ARID2: variants seen among roughly 807,000 people sequenced by gnomAD.
ARID2 encodes AT-rich interactive domain-containing protein 2.
A neutral mutation model predicts 184.6 loss-of-function variants in ARID2; 32 were observed. That is an observed-to-expected ratio of 0.17 (90% CI 0.13 to 0.23). ARID2 has a LOEUF of 0.23. Ranked by LOEUF, ARID2 falls within the 10% of genes least tolerant of loss-of-function variation. The pLI, the probability that ARID2 is intolerant of heterozygous loss-of-function variation, is 1.00. For missense variants in ARID2, 1,696 were observed against 2,197.6 expected (o/e 0.77, Z 4.56); for synonymous variants, 836 against 772.6 (o/e 1.08, Z -1.36).
At chr12:45,806,793 G>A (rs1942611679) in intron 3 of ARID2, among the ~76,000 whole-genome samples, 1 of 151,852 alleles carries the variant, frequency 6.6e-6, no homozygotes, top group Non-Finnish European at 1.5e-5. Context: ...CCTGTCACCG[G>A]ATGACACCAG....
At chr12:45,844,244 C>T (rs1258419381) in intron 11 of ARID2, among the ~76,000 whole-genome samples, 2 of 152,094 alleles carry the variant, frequency 1.3e-5, no homozygotes, top group Non-Finnish European at 2.9e-5. Flanking sequence ...GTCTCAAACT[C>T]CTGGGATCAA....
chr12:45,827,922 AT>A (rs2138109336), intron 6 of ARID2, among the ~76,000 whole-genome samples: 1 of 152,240 alleles, frequency 6.6e-6, no homozygotes, highest in African/African-American at 2.4e-5. Flanking sequence ...GACAAAAGAT[AT>A]GTTAATCGTA....
intron 20 of ARID2, among the ~76,000 whole-genome samples, chr12:45,896,910 T>C (rs1300986973): frequency 6.6e-6 from 1 of 152,114 alleles, no homozygotes; most frequent in Non-Finnish European, 1.5e-5. Context: ...ATAAATACAG[T>C]GATAATCTTA....
rs369256266 is a variant in ARID2 at position 45,826,327 on chromosome 12, G to A, written c.705+4840G>A. Among the ~76,000 whole-genome samples, 347 of 151,986 alleles carry A rather than the reference G, an allele frequency of 2.3e-3. 13 individuals are homozygous for A. In the South Asian group the frequency reaches 0.068, roughly 30 times the overall value. On this transcript the variant is annotated intron_variant, in intron 6 of 20. Coordinates refer to ENST00000334344, the MANE Select transcript of ARID2 (RefSeq NM_152641.4). ...ATGTATACATGAATTTTATTTTAAC[G>A]AGCTGGTAATATTTGAATTAATAGT...
At chr12:45,808,723 G>A (rs1051386008) in intron 3 of ARID2, among the ~76,000 whole-genome samples, 3 of 150,492 alleles carry the variant, frequency 2.0e-5, no homozygotes, top group African/African-American at 7.4e-5. Context: ...TATTAAAAAT[G>A]TGTGTTTGCG....
At position 45,729,771 on chromosome 12, in the gene ARID2, G is replaced by T; in HGVS notation, c.-66G>T. 6.8e-7 allele frequency: 1 copy of T among 1,465,324 alleles called. No homozygotes were observed. 90.8% of individuals were successfully genotyped at this position (1,465,324 alleles called of 1,614,324 possible). On this transcript the variant is annotated 5_prime_UTR_variant, in exon 1 of 21. Coordinates refer to ENST00000334344, the MANE Select transcript of ARID2 (RefSeq NM_152641.4). ...TGGGCTCCGGGCTCTGGTAGGAAGC[G>T]CTGGGAGCGGGGGGCGCTTTTAAAA...
intron 3 of ARID2, among the ~76,000 whole-genome samples, chr12:45,751,115 A>G (rs1270147471): frequency 1.3e-5 from 2 of 152,214 alleles, no homozygotes; most frequent in Non-Finnish European, 2.9e-5. Flanking sequence ...TATGCTAGCT[A>G]ATAGCACAAG....
intron 16 of ARID2, among the ~76,000 whole-genome samples, chr12:45,871,497 G>A (rs2138205220): frequency 6.6e-6 from 1 of 152,126 alleles, no homozygotes; most frequent in Admixed American, 6.5e-5. Context: ...TGCATTGTTT[G>A]ATACAATTTG....
chr12:45,731,147 T>A (rs1940987227), intron 2 of ARID2, 70 bp from the exon 3 acceptor site: 4 of 1,150,588 alleles, frequency 3.5e-6, no homozygotes. Flanking sequence ...GAATGGGTAT[T>A]TATTTCATAG....
At chr12:45,845,689 A>G (rs1468123550) in intron 11 of ARID2, among the ~76,000 whole-genome samples, 6 of 152,154 alleles carry the variant, frequency 3.9e-5, no homozygotes, top group African/African-American at 1.2e-4. Flanking sequence ...AAAGGTTATG[A>G]TTGCCTCAGA....
intron 6 of ARID2, among the ~76,000 whole-genome samples, chr12:45,822,884 T>C (rs1230791589): frequency 6.6e-6 from 1 of 152,154 alleles, no homozygotes; most frequent in East Asian, 1.9e-4. Context: ...TTCGGGACTT[T>C]ACTCACTTTC....
intron 15 of ARID2, among the ~76,000 whole-genome samples, chr12:45,858,413 A>G (rs1399466110): frequency 1.3e-5 from 2 of 151,978 alleles, no homozygotes; most frequent in African/African-American, 4.8e-5. Flanking sequence ...TTGCTCTTTA[A>G]CCCCTCCTCC....
intron 20 of ARID2, among the ~76,000 whole-genome samples, chr12:45,903,805 A>T (rs1944487164): frequency 6.6e-6 from 1 of 151,914 alleles, no homozygotes; most frequent in African/African-American, 2.4e-5. Flanking sequence ...ATTCGGAGTT[A>T]TTTTAATGAA....
intron 3 of ARID2, among the ~76,000 whole-genome samples, chr12:45,751,771 A>G (rs1293740944): frequency 6.6e-6 from 1 of 152,190 alleles, no homozygotes; most frequent in Non-Finnish European, 1.5e-5. Flanking sequence ...GGCAATTGTA[A>G]CCCCATGGTA....
rs1265430693 is a variant in ARID2, at chr12:45,837,333, C to G, written c.1036C>G (p.Pro346Ala). 3.1e-6 allele frequency: 5 copies of G among 1,608,142 alleles called. No homozygotes were observed. Among genetic ancestry groups the G allele is most frequent in the East Asian group, 2.2e-5 (1 of 44,758 alleles). The change falls in exon 9 of 21, where the codon CCT (proline) becomes GCT (alanine). Residue 346 changes from proline to alanine, a missense_variant. Around this residue, in one of 11 missense-constraint regions of ARID2, gnomAD observed 86 missense variants for 200.8 expected, o/e 0.43. Transcript: ENST00000334344. ...GNIAAELLLD[P>A]VDFKTTHLMF... ...TTTCTTTTTCCAGCTTTTACTGGAC[C>G]CTGTTGATTTCAAAACTACTCATCT...
intron 6 of ARID2, among the ~76,000 whole-genome samples, chr12:45,835,709 G>T (rs1357193419): frequency 1.3e-5 from 2 of 152,020 alleles, no homozygotes; most frequent in Non-Finnish European, 2.9e-5. Context: ...AGACCATCCT[G>T]GCCAACATGG....
chr12:45,849,064 A>G, intron 13 of ARID2, 94 bp downstream of exon 13: 1 of 1,390,260 alleles, frequency 7.2e-7, no homozygotes, highest in Non-Finnish European at 9.7e-7. Context: ...ATCTAGTTTT[A>G]AATATTTCTA....
intron 3 of ARID2, among the ~76,000 whole-genome samples, chr12:45,733,851 A>G (rs1349181022): frequency 6.6e-6 from 1 of 152,244 alleles, no homozygotes; most frequent in Non-Finnish European, 1.5e-5. Context: ...TCTCAAATAT[A>G]CATTTATTCA....
At chr12:45,792,195 C>CTT (rs761789045) in intron 3 of ARID2, among the ~76,000 whole-genome samples, 19 of 152,040 alleles carry the variant, frequency 1.2e-4, no homozygotes, top group Non-Finnish European at 1.9e-4. Context: ...ACATTTCTGT[C>CTT]TTAAGTACTG....
Sources: allele counts gnomAD v4.1 joint callset (sites outside exome capture counted in the v4.1 genomes callset), GRCh38; gene constraint gnomAD v4.1.1; regional missense constraint gnomAD v4.1.1; transcripts MANE v1.5; gene names NCBI Gene and HGNC (gene_info 2026-07-23, HGNC 2026-07-21).